Variants in CNTN1 observed in about 807,000 individuals in gnomAD.
The protein encoded by CNTN1 is contactin-1.
A neutral mutation model predicts 126.4 loss-of-function variants in CNTN1; 38 were observed. The observed-to-expected ratio is 0.30, with a 90% CI of 0.23 to 0.39. The LOEUF is 0.39. CNTN1 is among the 10% of genes least tolerant of loss of function. The probability of loss-of-function intolerance (pLI) is 1.00; values close to 1 mark genes in which losing one functional copy is unlikely to be tolerated. For synonymous variants in CNTN1, 413 were observed against 422.6 expected (o/e 0.98, Z 0.28); for missense variants, 1,009 against 1,248.4 (o/e 0.81, Z 2.89).
At chr12:40,699,200 A>G (rs947245049) in intron 1 of CNTN1, among the ~76,000 whole-genome samples, 1 of 152,216 alleles carries the variant, frequency 6.6e-6, no homozygotes, top group Non-Finnish European at 1.5e-5. Context: ...TTTGTGTCTG[A>G]TAGAGGACCT....
At chr12:40,971,602 G>A (rs970470179) in intron 15 of CNTN1, 2 of 1,520,766 alleles carry the variant, frequency 1.3e-6, no homozygotes, top group Non-Finnish European at 1.8e-6. Context: ...AGCTTCTGCA[G>A]TTCTCCCCAC....
intron 1 of CNTN1, among the ~76,000 whole-genome samples, chr12:40,806,223 T>C (rs974905794): frequency 6.6e-6 from 1 of 152,096 alleles, no homozygotes; most frequent in African/African-American, 2.4e-5. Context: ...CTCCTCCCCA[T>C]GAAGGCCAAG....
At chr12:40,710,773 G>T (rs971553403) in intron 1 of CNTN1, among the ~76,000 whole-genome samples, 1 of 151,942 alleles carries the variant, frequency 6.6e-6, no homozygotes, top group Non-Finnish European at 1.5e-5. Flanking sequence ...TATTCATATT[G>T]TCCTCTATTT....
chr12:40,881,356 A>G (rs1013495324), intron 1 of CNTN1, among the ~76,000 whole-genome samples: 1 of 151,870 alleles, frequency 6.6e-6, no homozygotes, highest in African/African-American at 2.4e-5. Flanking sequence ...ATTCATGTGC[A>G]AAATTTTTTG....
chr12:40,933,748 T>C lies in CNTN1; in HGVS notation c.855T>C (p.Thr285=), dbSNP rs775839275. The change falls in exon 9 of 24, where the codon ACT becomes ACC. Residue 285 remains threonine, a synonymous_variant. Coordinates refer to ENST00000551295, the MANE Select transcript of CNTN1 (RefSeq NM_001843.4). ...WRKVLEPMPS[T]AEISTSGAVL... ...AGGTTCTAGAACCAATGCCAAGCACTGCTGAGATTAGCACCTCTGGGGCTG... is the reference window on the plus strand; with the variant it reads ...AGGTTCTAGAACCAATGCCAAGCACCGCTGAGATTAGCACCTCTGGGGCTG... 6.1e-5 allele frequency: 98 copies of C among 1,612,794 alleles called. No individual in the cohort carries two copies. In the South Asian group the frequency reaches 9.8e-4, roughly 16 times the overall value.
chr12:41,039,125 G>A (rs1371077987), intron 23 of CNTN1, among the ~76,000 whole-genome samples: 2 of 152,168 alleles, frequency 1.3e-5, no homozygotes, highest in African/African-American at 4.8e-5. Context: ...AAGGTGATGA[G>A]AAGCCATTGA....
At chr12:40,848,486 G>A (rs545717687) in intron 1 of CNTN1, among the ~76,000 whole-genome samples, 2 of 152,234 alleles carry the variant, frequency 1.3e-5, no homozygotes, top group South Asian at 4.1e-4. Flanking sequence ...AATTAAGTAG[G>A]TGAATAATGT....
rs1333485043 is a variant in CNTN1, at chr12:40,941,867, T to C, written c.1380-1730T>C. On this transcript the variant is annotated intron_variant, in intron 12 of 23. Transcript: ENST00000551295. ...ATCTTGAGAGTTTAGTCTATATTACTTTAAGAATAAAGAGAATTATTACAA... is the reference window on the plus strand; with the variant it reads ...ATCTTGAGAGTTTAGTCTATATTACCTTAAGAATAAAGAGAATTATTACAA... Among the ~76,000 whole-genome samples the C allele has an allele frequency of 7.9e-5, 12 of 152,212 alleles. No homozygotes were observed. In the East Asian group the frequency reaches 1.9e-3, roughly 24 times the overall value.
intron 1 of CNTN1, among the ~76,000 whole-genome samples, chr12:40,820,167 A>T (rs761699711): frequency 5.3e-5 from 8 of 152,174 alleles, no homozygotes; most frequent in Non-Finnish European, 1.0e-4. Flanking sequence ...ATGACATGGT[A>T]AGAGAGGAAG....
At position 41,047,272 on chromosome 12, in the gene CNTN1, C is replaced by T. The variant is rs549751660; in HGVS notation, c.2980+18053C>T. On this transcript the variant is annotated intron_variant, in intron 23 of 23. Coordinates refer to ENST00000551295, the MANE Select transcript of CNTN1 (RefSeq NM_001843.4). ...GTGCCCATTTTCTGACATCTCTATT[C>T]ATACTTTACTCTTAAAACCTTCCCA... Among the ~76,000 whole-genome samples, 3 of 152,152 alleles carry T rather than the reference C, an allele frequency of 2.0e-5. No homozygotes were observed. In the East Asian group the frequency reaches 5.8e-4, roughly 29 times the overall value.
intron 21 of CNTN1, among the ~76,000 whole-genome samples, chr12:41,025,934 A>G (rs188883708): frequency 6.6e-6 from 1 of 152,072 alleles, no homozygotes; most frequent in Non-Finnish European, 1.5e-5. Flanking sequence ...TTTATGTAGG[A>G]CTCTAGGGAA....
intron 14 of CNTN1, among the ~76,000 whole-genome samples, chr12:40,946,815 G>C (rs1290106372): frequency 6.6e-6 from 1 of 151,954 alleles, no homozygotes; most frequent in Non-Finnish European, 1.5e-5. Context: ...TAACCACTAA[G>C]GGGCAACCTT....
At chr12:40,717,193 T>C (rs1057440487) in intron 1 of CNTN1, among the ~76,000 whole-genome samples, 8 of 152,150 alleles carry the variant, frequency 5.3e-5, no homozygotes, top group Non-Finnish European at 1.2e-4. Context: ...AAGCAAAAAG[T>C]TGACTAAAAT....
At position 40,731,845 on chromosome 12, in the gene CNTN1, G is replaced by C. The variant is rs568744417; in HGVS notation, c.-77+39253G>C. ...TTAAATATCCCAGTAATTTAACTGTGGTTATCTCTGACTGGGGCTCTTTTG... is the reference window on the plus strand; with the variant it reads ...TTAAATATCCCAGTAATTTAACTGTCGTTATCTCTGACTGGGGCTCTTTTG... On this transcript the variant is annotated intron_variant, in intron 1 of 23. Transcript: ENST00000551295. Among the ~76,000 whole-genome samples the C allele has an allele frequency of 5.3e-4, 81 of 151,952 alleles. 2 individuals are homozygous for C. The South Asian group carries it at 0.016, about 30-fold the overall frequency.
chr12:40,896,647 T>C (rs1415405466), intron 1 of CNTN1, among the ~76,000 whole-genome samples: 1 of 152,220 alleles, frequency 6.6e-6, no homozygotes, highest in African/African-American at 2.4e-5. Flanking sequence ...ACAAAGAAAA[T>C]ACTTCTCCAA....
intron 1 of CNTN1, among the ~76,000 whole-genome samples, chr12:40,837,647 G>A (rs575612820): frequency 2.4e-4 from 37 of 152,276 alleles, no homozygotes; most frequent in African/African-American, 7.2e-4. Flanking sequence ...GTGCAGCAGC[G>A]TTGAGTCTGA....
intron 17 of CNTN1, among the ~76,000 whole-genome samples, chr12:41,013,371 A>C (rs1365389356): frequency 6.6e-6 from 1 of 152,158 alleles, no homozygotes; most frequent in Non-Finnish European, 1.5e-5. Flanking sequence ...GCTCGACTTT[A>C]CAGGCTGCTC....
intron 6 of CNTN1, 76 bp downstream of exon 6, chr12:40,924,728 C>A: frequency 2.6e-6 from 2 of 780,618 alleles, no homozygotes; most frequent in Non-Finnish European, 4.6e-6. Context: ...AGTAATAATG[C>A]TACATTATTA....
At chr12:40,864,300 G>A (rs1056686963) in intron 1 of CNTN1, among the ~76,000 whole-genome samples, 5 of 151,876 alleles carry the variant, frequency 3.3e-5, no homozygotes, top group African/African-American at 7.3e-5. Context: ...GATTACAGGC[G>A]TGAACCACCA....
Sources: allele counts gnomAD v4.1 joint callset (sites outside exome capture counted in the v4.1 genomes callset), GRCh38; gene constraint gnomAD v4.1.1; transcripts MANE v1.5; gene names NCBI Gene and HGNC (gene_info 2026-07-23, HGNC 2026-07-21).